NELL1: variants seen among roughly 807,000 people sequenced by gnomAD.
The protein encoded by NELL1 is neural EGFL like 1, also known as protein kinase C-binding protein NELL1.
In NELL1, 76 loss-of-function variants were observed where a neutral mutation model predicts 107.4. The ratio of observed to expected loss-of-function variants is 0.71; its 90% CI spans 0.59 to 0.86. The LOEUF is 0.86. Ranked by LOEUF, NELL1 falls within the 40% of genes least tolerant of loss-of-function variation. NELL1 has a pLI of 0.00. For missense variants in NELL1, 1,024 were observed against 1,005.5 expected (o/e 1.02, Z -0.25); for synonymous variants, 353 against 341.2 (o/e 1.03, Z -0.38).
intron 14 of NELL1, among the ~76,000 whole-genome samples, chr11:21,271,265 AAG>A (rs1172699897): frequency 2.6e-5 from 4 of 152,178 alleles, no homozygotes; most frequent in Admixed American, 1.3e-4. Flanking sequence ...GACAAAAAAG[AAG>A]GAAGACAAAT....
At chr11:21,302,710 G>T (rs576542257) in intron 14 of NELL1, among the ~76,000 whole-genome samples, 95 of 151,966 alleles carry the variant, frequency 6.3e-4, no homozygotes, top group Non-Finnish European at 9.6e-4. Flanking sequence ...ACATTTGTTG[G>T]TTTTTTTCCT....
chr11:20,922,319 C>G (rs1338216267), intron 7 of NELL1, among the ~76,000 whole-genome samples: 1 of 152,024 alleles, frequency 6.6e-6, no homozygotes, highest in Non-Finnish European at 1.5e-5. Flanking sequence ...GCCTCTGTGA[C>G]TTTGTTTCTT....
rs555143742 is a variant in NELL1 at position 21,211,267 on chromosome 11, C to A, written c.1427-18065C>A. ...ACATACTTGAGATCTCAAGGATAAGCGGATATTACGTAGGATGAAGAGGGA... is the reference window on the plus strand; with the variant it reads ...ACATACTTGAGATCTCAAGGATAAGAGGATATTACGTAGGATGAAGAGGGA... On this transcript the variant is annotated intron_variant, in intron 13 of 19. Coordinates refer to ENST00000357134, the MANE Select transcript of NELL1 (RefSeq NM_006157.5). Among the ~76,000 whole-genome samples, 12 of 151,880 alleles carry A rather than the reference C, an allele frequency of 7.9e-5. 1 individual carries two copies. Among genetic ancestry groups the A allele is most frequent in the African/African-American group, 2.9e-4 (12 of 41,328 alleles).
chr11:20,905,324 A>G (rs768128400), intron 5 of NELL1, among the ~76,000 whole-genome samples: 9 of 152,180 alleles, frequency 5.9e-5, no homozygotes, highest in Non-Finnish European at 1.3e-4. Context: ...TCTGTTCTCC[A>G]GTGTTAATAC....
intron 14 of NELL1, among the ~76,000 whole-genome samples, chr11:21,263,390 C>T (rs544193963): frequency 1.3e-5 from 2 of 152,072 alleles, no homozygotes; most frequent in East Asian, 3.9e-4. Context: ...CAGGAAACAC[C>T]TGATTGTCAA....
At chr11:20,690,549 C>T (rs1428108135) in intron 2 of NELL1, among the ~76,000 whole-genome samples, 3 of 147,860 alleles carry the variant, frequency 2.0e-5, no homozygotes, top group Non-Finnish European at 4.5e-5. Context: ...AATCCTTTCC[C>T]CATTGCTTGT....
intron 14 of NELL1, among the ~76,000 whole-genome samples, chr11:21,232,159 A>AAATATATATATATATATAT (rs1554985116): frequency 4.1e-5 from 3 of 73,198 alleles, no homozygotes; most frequent in African/African-American, 1.5e-4. Flanking sequence ...AAAAAAAAAA[A>AAATATATATATATATATAT]ATATATATAT....
intron 14 of NELL1, among the ~76,000 whole-genome samples, chr11:21,316,697 G>A (rs7933906): frequency 0.032 from 4,920 of 152,254 alleles, 292 homozygotes; most frequent in African/African-American, 0.11. Context: ...TGGGTCAGAT[G>A]TAAGTGGGGA....
chr11:21,358,034 T>C (rs1255148770), intron 14 of NELL1, among the ~76,000 whole-genome samples: 1 of 152,230 alleles, frequency 6.6e-6, no homozygotes, highest in Non-Finnish European at 1.5e-5. Flanking sequence ...ATCACGCTGT[T>C]TTGATAACTA....
At chr11:20,771,694 A>T (rs4923027) in intron 2 of NELL1, among the ~76,000 whole-genome samples, 2 of 152,122 alleles carry the variant, frequency 1.3e-5, no homozygotes, top group South Asian at 4.1e-4. Flanking sequence ...GGAAAAATCT[A>T]TCTGGTGCTG....
chr11:20,978,546 T>A (rs1851687554), intron 12 of NELL1, among the ~76,000 whole-genome samples: 2 of 152,306 alleles, frequency 1.3e-5, no homozygotes, highest in South Asian at 4.1e-4. Flanking sequence ...AATTTGTGTA[T>A]CTTAGATAGA....
intron 2 of NELL1, among the ~76,000 whole-genome samples, chr11:20,759,671 G>A (rs1222597575): frequency 6.6e-6 from 1 of 152,154 alleles, no homozygotes; most frequent in Non-Finnish European, 1.5e-5. Context: ...GCTGGAGGAG[G>A]TTTGTCATTG....
chr11:21,421,943 G>A (rs1294665833), intron 15 of NELL1, among the ~76,000 whole-genome samples: 2 of 152,130 alleles, frequency 1.3e-5, no homozygotes, highest in Non-Finnish European at 1.5e-5. Flanking sequence ...AAGATTATCA[G>A]CAGATTTTTC....
chr11:21,184,586 G>A (rs1025124613), intron 13 of NELL1, among the ~76,000 whole-genome samples: 2 of 151,784 alleles, frequency 1.3e-5, no homozygotes, highest in Non-Finnish European at 2.9e-5. Flanking sequence ...GCTAAATTGT[G>A]TTTCAAATGT....
At chr11:21,448,664 G>C (rs1008711006) in intron 15 of NELL1, among the ~76,000 whole-genome samples, 2 of 152,078 alleles carry the variant, frequency 1.3e-5, no homozygotes, top group African/African-American at 2.4e-5. Flanking sequence ...GCACAATCAC[G>C]ATGATGAAAA....
At chr11:21,024,648 G>A (rs1012616250) in intron 12 of NELL1, among the ~76,000 whole-genome samples, 13 of 152,106 alleles carry the variant, frequency 8.5e-5, no homozygotes, top group African/African-American at 3.1e-4. Context: ...GAAAAGGCTT[G>A]CATTCTATCA....
At chr11:21,030,383 G>T (rs1274212520) in intron 12 of NELL1, among the ~76,000 whole-genome samples, 2 of 152,144 alleles carry the variant, frequency 1.3e-5, no homozygotes, top group Admixed American at 1.3e-4. Context: ...TACATGAAAT[G>T]TCTTGGCTGA....
intron 4 of NELL1, among the ~76,000 whole-genome samples, chr11:20,879,953 A>T (rs1849377265): frequency 6.6e-6 from 1 of 152,198 alleles, no homozygotes; most frequent in Non-Finnish European, 1.5e-5. Flanking sequence ...TTTAATGCAA[A>T]GTTTAGTATC....
Position 21,496,397 on chromosome 11 carries a change from A to C in NELL1, c.1646-37977A>C, listed in dbSNP as rs1174372269. Among the ~76,000 whole-genome samples, 6 of 135,022 alleles carry C rather than the reference A, an allele frequency of 4.4e-5. No individual in the cohort carries two copies. In the South Asian group the frequency reaches 1.4e-3, roughly 32 times the overall value. 88.6% of individuals were successfully genotyped at this position (135,022 alleles called of 152,430 possible). On this transcript the variant is annotated intron_variant, in intron 15 of 19. Transcript: ENST00000357134. ...ATAGGTACAATTTAAACATATTTTT[A>C]TTCTTCTCTTGTTTTTTTTTTTTTT... is the stretch of plus-strand genomic sequence containing the variant.
Sources: gnomAD v4.1 joint callset for allele counts (sites outside exome capture counted in the v4.1 genomes callset) on GRCh38, gnomAD v4.1.1 for gene constraint, MANE v1.5 for transcripts, NCBI Gene and HGNC (gene_info 2026-07-23, HGNC 2026-07-21) for gene names.